Variants in AFF3 observed in about 807,000 individuals in gnomAD.
AFF3 encodes the protein ALF transcription elongation factor 3.
Under a neutral mutation model 129.7 loss-of-function variants are expected in AFF3, and 32 were observed. That is an observed-to-expected ratio of 0.25 (90% CI 0.19 to 0.33). The LOEUF is 0.33. Among genes scored for constraint, AFF3 ranks in the 10% least tolerant of loss-of-function variants. AFF3 has a pLI of 1.00. For missense variants in AFF3, 1,373 were observed against 1,592.0 expected, an observed-to-expected ratio of 0.86 and a Z score of 2.34; for synonymous variants, 644 against 635.4, an observed-to-expected ratio of 1.01 and a Z score of -0.20.
intron 16 of AFF3, among the ~76,000 whole-genome samples, chr2:99,585,765 G>A (rs1369717334): frequency 6.6e-6 from 1 of 151,968 alleles, no homozygotes; most frequent in Non-Finnish European, 1.5e-5. Context: ...GAACCTCTCT[G>A]TCGCCCAGGC....
At chr2:99,761,156 G>C (rs909371188) in intron 8 of AFF3, among the ~76,000 whole-genome samples, 1 of 149,796 alleles carries the variant, frequency 6.7e-6, no homozygotes, top group African/African-American at 2.5e-5. Flanking sequence ...CAGATGTCTA[G>C]TTACTCAAGG....
chr2:100,040,323 C>A lies in AFF3; in HGVS notation c.54-31391G>T, dbSNP rs547267588. ...TACAGTGTTCCACCCAAAGAAAGACCTCCAACCCAATGACTGCAGCACTAC... is the reference window on the plus strand; with the variant it reads ...TACAGTGTTCCACCCAAAGAAAGACATCCAACCCAATGACTGCAGCACTAC... On this transcript the variant is annotated intron_variant, in intron 4 of 24. Coordinates refer to ENST00000672756, the MANE Select transcript of AFF3 (RefSeq NM_001386135.1). 4.6e-5 allele frequency among the ~76,000 whole-genome samples: 7 copies of A among 152,234 alleles called. No individual in the cohort carries two copies. In the East Asian group the frequency reaches 1.4e-3, roughly 29 times the overall value.
intron 7 of AFF3, among the ~76,000 whole-genome samples, chr2:99,914,945 TA>T (rs1695373529): frequency 6.6e-6 from 1 of 151,614 alleles, no homozygotes; most frequent in Admixed American, 6.6e-5. Flanking sequence ...TAAAATAAAA[TA>T]AAATAAACAT....
intron 4 of AFF3, among the ~76,000 whole-genome samples, chr2:100,075,108 CT>C (rs1195469114): frequency 6.6e-6 from 1 of 152,146 alleles, no homozygotes; most frequent in Admixed American, 6.6e-5. Context: ...CAAGAAGGAC[CT>C]GAGCTAACTT....
chr2:99,992,213 T>G (rs1680422717), intron 7 of AFF3, among the ~76,000 whole-genome samples: 1 of 152,194 alleles, frequency 6.6e-6, no homozygotes, highest in African/African-American at 2.4e-5. Flanking sequence ...TGCTAGCTAT[T>G]TAATCTAGGA....
At chr2:100,088,910 T>C (rs997310776) in intron 4 of AFF3, among the ~76,000 whole-genome samples, 23 of 152,274 alleles carry the variant, frequency 1.5e-4, no homozygotes, top group African/African-American at 5.1e-4. Context: ...TTCATTTTCA[T>C]TAGAATAAAC....
At chr2:99,799,289 AAC>A (rs1685761569) in intron 8 of AFF3, among the ~76,000 whole-genome samples, 3 of 152,018 alleles carry the variant, frequency 2.0e-5, no homozygotes, top group African/African-American at 7.2e-5. Flanking sequence ...TAATAATACA[AAC>A]TACATAAAAT....
In AFF3 at chr2:99,914,782, T is replaced by C. The variant is rs538208464; in HGVS notation, c.874-77258A>G. ...TACAAAAAAAAAAATTAGCTGGGCA[T>C]GGTGGCACACGTGTGTAATCCCAGC... On this transcript the variant is annotated intron_variant, in intron 7 of 24. Transcript: ENST00000672756. 7.9e-5 allele frequency among the ~76,000 whole-genome samples: 12 copies of C among 151,456 alleles called. 1 individual carries two copies. The South Asian group carries it at 2.5e-3, about 32-fold the overall frequency.
At chr2:100,127,200 T>C (rs1402900452) in intron 2 of AFF3, among the ~76,000 whole-genome samples, 3 of 152,186 alleles carry the variant, frequency 2.0e-5, no homozygotes, top group African/African-American at 7.2e-5. Context: ...TGTCCATGAC[T>C]CAGCGGTTTA....
At chr2:100,001,255 T>C (rs1414744738) in intron 7 of AFF3, among the ~76,000 whole-genome samples, 1 of 152,206 alleles carries the variant, frequency 6.6e-6, no homozygotes, top group Non-Finnish European at 1.5e-5. Flanking sequence ...CTTGGCTTAA[T>C]GATATAAGTC....
At chr2:99,741,324 T>C (rs1463531410) in intron 10 of AFF3, among the ~76,000 whole-genome samples, 3 of 152,166 alleles carry the variant, frequency 2.0e-5, no homozygotes, top group Non-Finnish European at 2.9e-5. Flanking sequence ...AAAACCCCAT[T>C]GTCTCAGCCC....
At chr2:99,620,879 T>TAAAGCAG (rs1681935296) in intron 13 of AFF3, among the ~76,000 whole-genome samples, 3 of 152,170 alleles carry the variant, frequency 2.0e-5, no homozygotes. Context: ...CTTCTTGTCA[T>TAAAGCAG]GTGACACACC....
chr2:100,084,200 C>T, intron 4 of AFF3, among the ~76,000 whole-genome samples: 1 of 152,234 alleles, frequency 6.6e-6, no homozygotes, highest in Non-Finnish European at 1.5e-5. Context: ...TCAATAAACA[C>T]TCGGCGACCA....
intron 4 of AFF3, among the ~76,000 whole-genome samples, chr2:100,048,517 T>C (rs1156915462): frequency 6.6e-6 from 1 of 152,254 alleles, no homozygotes; most frequent in African/African-American, 2.4e-5. Context: ...AAGTGTATGA[T>C]TTAATTAGTG....
At chr2:99,797,929 G>A (rs1023642153) in intron 8 of AFF3, among the ~76,000 whole-genome samples, 64 of 152,072 alleles carry the variant, frequency 4.2e-4, no homozygotes, top group African/African-American at 1.5e-3. Context: ...TGAGGCAGAA[G>A]GAAAGTGCTA....
chr2:99,738,380 C>A (rs576105070), intron 10 of AFF3, among the ~76,000 whole-genome samples: 1 of 152,068 alleles, frequency 6.6e-6, no homozygotes, highest in African/African-American at 2.4e-5. Context: ...CAGCTATTAT[C>A]ATCCCTTCTA....
chr2:100,074,161 T>C (rs555535636), intron 4 of AFF3, among the ~76,000 whole-genome samples: 1 of 152,310 alleles, frequency 6.6e-6, no homozygotes, highest in South Asian at 2.1e-4. Context: ...CCCGCTCCAC[T>C]GTCTCCCGAT....
At position 100,055,047 on chromosome 2, in the gene AFF3, G is replaced by T. The variant is rs953525498; in HGVS notation, c.54-46115C>A. Among the ~76,000 whole-genome samples, 8 of 152,182 alleles carry T rather than the reference G, an allele frequency of 5.3e-5. No homozygotes were observed. In the East Asian group the frequency reaches 1.5e-3, roughly 29 times the overall value. ...GAGATTGCCTTGGTTGTTATTGTTG[G>T]GTTTTATCTCGTTTTGGGTTTCCTG... On this transcript the variant is annotated intron_variant, in intron 4 of 24. Coordinates refer to ENST00000672756, the MANE Select transcript of AFF3 (RefSeq NM_001386135.1).
intron 8 of AFF3, among the ~76,000 whole-genome samples, chr2:99,790,233 T>C (rs1256884500): frequency 6.6e-6 from 1 of 152,220 alleles, no homozygotes; most frequent in Middle Eastern, 3.2e-3. Context: ...GAAAAGCCCA[T>C]ACAGTAAGTG....
Sources: allele counts gnomAD v4.1 joint callset (sites outside exome capture counted in the v4.1 genomes callset), GRCh38; gene constraint gnomAD v4.1.1; transcripts MANE v1.5; gene names NCBI Gene and HGNC (gene_info 2026-07-23, HGNC 2026-07-21).